Variants in GPR157 observed in about 807,000 individuals in gnomAD.
GPR157 encodes the protein G protein-coupled receptor 157, also known as G-protein coupled receptor 157.
Under a neutral mutation model 23.5 loss-of-function variants are expected in GPR157, and 16 were observed. The observed-to-expected ratio is 0.68, with a 90% CI of 0.46 to 1.04. The LOEUF (loss-of-function observed/expected upper bound fraction) is 1.04. Ranked by LOEUF, GPR157 falls within the 50% of genes least tolerant of loss-of-function variation. The pLI, the probability that GPR157 is intolerant of heterozygous loss-of-function variation, is 0.00. For synonymous variants in GPR157, 200 were observed against 221.5 expected, an observed-to-expected ratio of 0.90 and a Z score of 0.86; for missense variants, 440 against 460.7, an observed-to-expected ratio of 0.96 and a Z score of 0.41.
At chr1:9,125,305 C>A (rs1462784798) in intron 1 of GPR157, among the ~76,000 whole-genome samples, 1 of 152,048 alleles carries the variant, frequency 6.6e-6, no homozygotes, top group Non-Finnish European at 1.5e-5. Flanking sequence ...CCTCAACCTC[C>A]TGGGCTGAAG....
intron 2 of GPR157, among the ~76,000 whole-genome samples, chr1:9,110,561 A>G (rs1307636614): frequency 6.6e-6 from 1 of 152,100 alleles, no homozygotes; most frequent in East Asian, 1.9e-4. Context: ...TAACATACAG[A>G]ATGAGTGACC....
At chr1:9,113,956 A>AACACACACACACAC (rs35650719) in intron 1 of GPR157, among the ~76,000 whole-genome samples, 2 of 121,884 alleles carry the variant, frequency 1.6e-5, no homozygotes, top group South Asian at 2.8e-4. Flanking sequence ...AAAAAAACCA[A>AACACACACACACAC]ACACACACAC....
At chr1:9,119,623 C>T (rs1257193130) in intron 1 of GPR157, among the ~76,000 whole-genome samples, 2 of 152,120 alleles carry the variant, frequency 1.3e-5, no homozygotes, top group South Asian at 2.1e-4. Context: ...TCCTGGCAGG[C>T]GGTACTATCC....
chr1:9,111,273 T>TA lies in GPR157; in HGVS notation c.597+2dup. 1.9e-6 allele frequency: 3 copies of TA among 1,613,982 alleles called. No homozygotes were observed. Among genetic ancestry groups the TA allele is most frequent in the Non-Finnish European group, 2.5e-6 (3 of 1,179,878 alleles). On this transcript the variant is annotated splice_region_variant and intron_variant, in intron 2 of 3. Transcript: ENST00000377411. Reference sequence around the variant, plus strand: ...GGCCCTGAGCTCTAAGGGCAGCGCCTACCGCTCTGTTGATGTGCTTCCGGA... The same window carrying TA: ...GGCCCTGAGCTCTAAGGGCAGCGCCTAACCGCTCTGTTGATGTGCTTCCGGA...
At chr1:9,116,281 A>ATTATATATAATAT (rs373818819) in intron 1 of GPR157, among the ~76,000 whole-genome samples, 9 of 3,110 alleles carry the variant, frequency 2.9e-3, no homozygotes, top group South Asian at 0.023. Context: ...AATTATATAT[A>ATTATATATAATAT]AATTATATAT....
At chr1:9,127,580 T>G (rs1638990483) in intron 1 of GPR157, among the ~76,000 whole-genome samples, 1 of 152,196 alleles carries the variant, frequency 6.6e-6, no homozygotes. Flanking sequence ...GATTTTTTAC[T>G]TGTACAGCTG....
At chr1:9,127,862 C>T (rs924786419) in intron 1 of GPR157, among the ~76,000 whole-genome samples, 1 of 152,136 alleles carries the variant, frequency 6.6e-6, no homozygotes, top group Admixed American at 6.6e-5. Flanking sequence ...CAGCACAGGA[C>T]GCCATGAGAT....
chr1:9,123,990 G>A (rs1057041936), intron 1 of GPR157, among the ~76,000 whole-genome samples: 25 of 151,070 alleles, frequency 1.7e-4, no homozygotes, highest in African/African-American at 4.6e-4. Flanking sequence ...CACCACACTC[G>A]GCTAATTTTT....
chr1:9,125,027 C>G (rs1478131538), intron 1 of GPR157, among the ~76,000 whole-genome samples: 1 of 152,070 alleles, frequency 6.6e-6, no homozygotes, highest in East Asian at 1.9e-4. Context: ...TTGGACCCAG[C>G]TTTCACTATC....
chr1:9,123,066 G>C (rs2124526727), intron 1 of GPR157, among the ~76,000 whole-genome samples: 1 of 150,512 alleles, frequency 6.6e-6, no homozygotes, highest in South Asian at 2.1e-4. Context: ...TGAGGCAGGA[G>C]AGTCACTTGA....
chr1:9,122,182 C>T (rs373797868), intron 1 of GPR157, among the ~76,000 whole-genome samples: 7 of 152,286 alleles, frequency 4.6e-5, no homozygotes, highest in African/African-American at 1.7e-4. Context: ...GCAGCTCTGG[C>T]CTCCCTCAGG....
intron 2 of GPR157, among the ~76,000 whole-genome samples, chr1:9,110,221 G>A (rs1638449221): frequency 6.6e-6 from 1 of 152,126 alleles, no homozygotes; most frequent in African/African-American, 2.4e-5. Flanking sequence ...GGAGATGCTC[G>A]GTAAAAACAT....
In GPR157 at chr1:9,105,674, C is replaced by G; in HGVS notation, c.604G>C (p.Ala202Pro). ...VRKHINRAHT[A>P]LSEYRPILSQ... is the part of the protein sequence containing the mutation. ...AGGATGGGCCGGTACTCAGAGAGTG[C>G]CGTGTGCTGTGTGGGGACAGCGAGG... is the stretch of plus-strand genomic sequence containing the variant. Residue 202 changes from alanine (A) to proline (P), a missense_variant, in exon 3 of 4, where the codon GCA becomes CCA. Ala to Pro is a conservative substitution (Grantham distance 27). Coordinates refer to ENST00000377411, the MANE Select transcript of GPR157 (RefSeq NM_024980.5). This position sits in a 1 kb window ranked among gnomAD's most constrained non-coding sequence, Gnocchi z 4.8. The G allele has an allele frequency of 1.9e-6, 3 of 1,606,788 alleles. No homozygotes were observed. The highest frequency in any genetic ancestry group is 2.6e-6 in the Non-Finnish European group (3 of 1,176,210).
intron 2 of GPR157, among the ~76,000 whole-genome samples, chr1:9,106,408 G>T (rs565728834): frequency 6.6e-6 from 1 of 152,082 alleles, no homozygotes; most frequent in South Asian, 2.1e-4. Context: ...TCCTCCACTC[G>T]GAGCTCTTCA....
chr1:9,122,909 C>A (rs1638829227), intron 1 of GPR157, among the ~76,000 whole-genome samples: 2 of 151,956 alleles, frequency 1.3e-5, no homozygotes, highest in African/African-American at 4.8e-5. Flanking sequence ...GTAATCCCAG[C>A]ACTTTGGGAG....
intron 3 of GPR157, 75 bp from the exon 4 acceptor site, chr1:9,104,709 G>A (rs1638235561): frequency 8.8e-7 from 1 of 1,139,350 alleles, no homozygotes. Flanking sequence ...GCAATTAAGA[G>A]AAACGGCTAG....
chr1:9,111,322 A>G lies in GPR157; in HGVS notation c.551T>C (p.Leu184Pro), dbSNP rs1453786828. The G allele has an allele frequency of 6.2e-7, 1 of 1,614,132 alleles. No homozygotes were observed. The highest frequency in any genetic ancestry group is 1.1e-5 in the South Asian group (1 of 91,092). ...GACCAGGAGGTACAGCAGAGGCAGC[A>G]GCACATATGCCAGCATCTCCCACAG... ...GKLWEMLAYV[L>P]LPLLYLLVRK... is the part of the protein sequence containing the mutation. Residue 184 changes from leucine to proline, a missense_variant, in exon 2 of 4, where the codon CTG becomes CCG. Physicochemically the swap from Leu to Pro is moderately conservative, Grantham distance 98 (BLOSUM62 -3). Transcript: ENST00000377411.
intron 2 of GPR157, among the ~76,000 whole-genome samples, chr1:9,107,656 T>C (rs1638373618): frequency 6.6e-6 from 1 of 152,086 alleles, no homozygotes; most frequent in East Asian, 1.9e-4. Context: ...GCGGGCACAG[T>C]GGCTCATGCC....
At chr1:9,109,509 C>T (rs1638428272) in intron 2 of GPR157, among the ~76,000 whole-genome samples, 1 of 152,200 alleles carries the variant, frequency 6.6e-6, no homozygotes, top group Admixed American at 6.5e-5. Flanking sequence ...TCTCCTGCTT[C>T]AGTCTCCCGA....
Sources: allele counts gnomAD v4.1 joint callset (sites outside exome capture counted in the v4.1 genomes callset), GRCh38; gene constraint gnomAD v4.1.1; non-coding constraint Gnocchi (gnomAD v3.1); transcripts MANE v1.5; gene names NCBI Gene and HGNC (gene_info 2026-07-23, HGNC 2026-07-21).